The following SLC45A4 variants were observed in gnomAD, a reference collection of about 807,000 sequenced individuals.
SLC45A4 encodes the protein solute carrier family 45 member 4.
SLC45A4 carries 32 observed loss-of-function variants against 63.7 expected under a neutral mutation model. That is an observed-to-expected ratio of 0.50 (90% CI 0.38 to 0.67). SLC45A4 has a LOEUF of 0.67. Ranked by LOEUF, SLC45A4 falls within the 30% of genes least tolerant of loss-of-function variation. SLC45A4 has a pLI of 0.00. For synonymous variants in SLC45A4, 535 were observed against 510.0 expected, an observed-to-expected ratio of 1.05 and a Z score of -0.66; for missense variants, 1,027 against 1,157.7, an observed-to-expected ratio of 0.89 and a Z score of 1.64.
chr8:141,278,773 G>T lies in SLC45A4; in HGVS notation c.-400-24144C>A, dbSNP rs548735392. ...GTCTCAACAAGGCACAGACGCACCC[G>T]CAAGGGAGTGGGCAGCACTGCAGGA... On this transcript the variant is annotated intron_variant, in intron 1 of 8. Transcript: ENST00000517878. The surrounding 1 kb of genome is among the most constrained non-coding windows in gnomAD (Gnocchi z 4.1). 6.6e-6 allele frequency among the ~76,000 whole-genome samples: 1 copy of T among 152,254 alleles called. No individual in the cohort carries two copies. The highest frequency in any genetic ancestry group is 1.5e-5 in the Non-Finnish European group (1 of 68,040).
chr8:141,286,675 A>G (rs1365110678), intron 1 of SLC45A4, among the ~76,000 whole-genome samples: 1 of 151,628 alleles, frequency 6.6e-6, no homozygotes, highest in Non-Finnish European at 1.5e-5. Context: ...GAGCCCCAGG[A>G]ATGGGTAAGG....
intron 1 of SLC45A4, among the ~76,000 whole-genome samples, chr8:141,285,718 C>T (rs1387295272): frequency 1.3e-5 from 2 of 152,224 alleles, no homozygotes; most frequent in East Asian, 1.9e-4. Flanking sequence ...GCACAACCCA[C>T]GGCGGAAAGC....
At chr8:141,243,659 A>T (rs1377226622) in intron 2 of SLC45A4, among the ~76,000 whole-genome samples, 1 of 152,068 alleles carries the variant, frequency 6.6e-6, no homozygotes, top group Admixed American at 6.5e-5. Flanking sequence ...ATTAAAATAC[A>T]GTTGACCCTT....
intron 5 of SLC45A4, 31 bp downstream of exon 5, chr8:141,217,980 A>G (rs765901232): frequency 8.1e-6 from 2 of 245,518 alleles, no homozygotes; most frequent in African/African-American, 2.6e-4. Flanking sequence ...GGGCAGAGAG[A>G]GCGGCCCCGC....
chr8:141,285,581 A>C (rs1050133225), intron 1 of SLC45A4, among the ~76,000 whole-genome samples: 1 of 152,064 alleles, frequency 6.6e-6, no homozygotes, highest in Non-Finnish European at 1.5e-5. Flanking sequence ...TGAGGTCTGC[A>C]CTCCACCCAC....
chr8:141,298,908 G>C (rs958302337), intron 1 of SLC45A4, among the ~76,000 whole-genome samples: 6 of 152,232 alleles, frequency 3.9e-5, no homozygotes, highest in African/African-American at 1.4e-4. Context: ...TTCAGTGGGG[G>C]GTGGGGGGAG....
chr8:141,211,880 A>T, intron 8 of SLC45A4, 183 bp from the exon 9 acceptor site: 1 of 1,261,284 alleles, frequency 7.9e-7, no homozygotes, highest in South Asian at 3.1e-5. Context: ...TCATTTAAAA[A>T]CATGCAGAAT....
Position 141,221,695 on chromosome 8 carries a change from G to A in SLC45A4, c.312C>T (p.Leu104=), listed in dbSNP as rs1826646529. 6.2e-7 allele frequency: 1 copy of A among 1,614,156 alleles called. No homozygotes were observed. The highest frequency in any genetic ancestry group is 8.5e-7 in the Non-Finnish European group (1 of 1,180,042). ...SPILGLIFTP[L]IGSASDRCTL... Reference sequence around the variant, plus strand: ...TGCACCGGTCACTCGCAGACCCAATGAGAGGTGTGAAGATGAGGCCAAGGA... The same window carrying A: ...TGCACCGGTCACTCGCAGACCCAATAAGAGGTGTGAAGATGAGGCCAAGGA... The change falls in exon 3 of 9, where the codon CTC becomes CTT. Residue 104 remains leucine (L), a synonymous_variant. Transcript: ENST00000517878.
In SLC45A4 at chr8:141,219,743, C is replaced by A; in HGVS notation, c.517G>T (p.Asp173Tyr). 6.2e-7 allele frequency: 1 copy of A among 1,604,660 alleles called. No homozygotes were observed. The change falls in exon 4 of 9, where the codon GAT (aspartate) becomes TAT (tyrosine). Residue 173 changes from aspartate (D) to tyrosine (Y), a missense_variant. Asp to Tyr is a radical substitution (Grantham distance 160). Transcript: ENST00000517878. Reference sequence around the variant, plus strand: ...GCACGGATGGGCCCCTCGGTGGCATCGGCGCTGAAGTCCAGGACCACCACT... The same window carrying A: ...GCACGGATGGGCCCCTCGGTGGCATAGGCGCTGAAGTCCAGGACCACCACT... ...LGVVVLDFSA[D>Y]ATEGPIRAYL... is the part of the protein sequence containing the mutation.
At position 141,218,716 on chromosome 8, in the gene SLC45A4, G is replaced by A. The variant is rs1462649543; in HGVS notation, c.924C>T (p.Asp308=). ...CGGTGTCCGGCACGTGCAATGCCGA[G>A]TCGCTTTTGCTGCGCATGATGTCCA... The part of the protein sequence containing the change: ...PDVDIMRSKS[D]SALHVPDTAL... Residue 308 remains aspartate, a synonymous_variant, in exon 5 of 9, where the codon GAC becomes GAT. Transcript: ENST00000517878. 16 of 1,612,612 alleles carry A rather than the reference G, an allele frequency of 9.9e-6. No individual in the cohort carries two copies. Among genetic ancestry groups the A allele is most frequent in the Non-Finnish European group, 1.4e-5 (16 of 1,179,358 alleles).
At chr8:141,230,671 GC>G (rs1310918256) in intron 2 of SLC45A4, among the ~76,000 whole-genome samples, 1 of 152,004 alleles carries the variant, frequency 6.6e-6, no homozygotes, top group Non-Finnish European at 1.5e-5. Flanking sequence ...GGACAGTCCG[GC>G]CGCTGCCCCG....
rs1237337158 is a variant in SLC45A4 at position 141,278,446 on chromosome 8, C to T, written c.-400-23817G>A. ...CCGACCCACGAGGACACTGGCGGGA[C>T]AGGGGTGAGCACAACCCACGAGGAC... On this transcript the variant is annotated intron_variant, in intron 1 of 8. Transcript: ENST00000517878. The surrounding 1 kb of genome is among the most constrained non-coding windows in gnomAD (Gnocchi z 4.1). 1 of 150,178 alleles carries T rather than the reference C, an allele frequency of 6.7e-6. No homozygotes were observed. The highest frequency in any genetic ancestry group is 2.5e-5 in the African/African-American group (1 of 39,326). 9.3% of individuals were successfully genotyped at this position (150,178 alleles called of 1,614,324 possible). A position where few individuals can be genotyped will look rare whatever the true frequency, so the allele number is the denominator to read the frequency against.
rs1231031060 is a variant in SLC45A4, at chr8:141,256,657, T to C, written c.-400-2028A>G. 1 of 456,060 alleles carries C rather than the reference T, an allele frequency of 2.2e-6. No homozygotes were observed. Among genetic ancestry groups the C allele is most frequent in the Non-Finnish European group, 4.4e-6 (1 of 226,874 alleles). 28.3% of individuals were successfully genotyped at this position (456,060 alleles called of 1,614,324 possible). On this transcript the variant is annotated intron_variant, in intron 1 of 8. Coordinates refer to ENST00000517878, the MANE Select transcript of SLC45A4 (RefSeq NM_001286646.2). The surrounding 1 kb of genome is among the most constrained non-coding windows in gnomAD (Gnocchi z 4.3). ...GGAAACCAGAATGCCTACTAATTCC[T>C]TAAGAACCAAAGGTTCAAGTGGTGC...
chr8:141,284,046 G>A (rs1423364405), intron 1 of SLC45A4, among the ~76,000 whole-genome samples: 2 of 152,160 alleles, frequency 1.3e-5, no homozygotes, highest in Admixed American at 6.5e-5. Flanking sequence ...TAGGACTGCT[G>A]ATATATTTTC....
At chr8:141,214,269 C>A (rs1338348366) in intron 7 of SLC45A4, among the ~76,000 whole-genome samples, 3 of 151,524 alleles carry the variant, frequency 2.0e-5, no homozygotes, top group African/African-American at 7.3e-5. Context: ...AGAGCAAACA[C>A]CACTTCTACA....
chr8:141,240,851 T>C (rs10103294), intron 2 of SLC45A4, among the ~76,000 whole-genome samples: 22,710 of 152,280 alleles, frequency 0.15, 2,273 homozygotes, highest in East Asian at 0.39. Flanking sequence ...GAGACGCATG[T>C]GGATGTGCAG....
At chr8:141,301,044 C>T (rs772598508) in intron 1 of SLC45A4, among the ~76,000 whole-genome samples, 8 of 152,122 alleles carry the variant, frequency 5.3e-5, no homozygotes, top group Non-Finnish European at 1.0e-4. Flanking sequence ...TCCCCACAAA[C>T]GCCTGCCTAA....
At chr8:141,296,435 G>A (rs1830553073) in intron 1 of SLC45A4, among the ~76,000 whole-genome samples, 1 of 147,458 alleles carries the variant, frequency 6.8e-6, no homozygotes, top group African/African-American at 2.5e-5. Flanking sequence ...AGGAATTCAA[G>A]CTGTAGTGAG....
intron 2 of SLC45A4, among the ~76,000 whole-genome samples, chr8:141,243,328 G>A (rs191253169): frequency 9.8e-4 from 150 of 152,338 alleles, no homozygotes; most frequent in African/African-American, 3.3e-3. Context: ...CAGCAAGCAC[G>A]AAGCGCAGTG....
Sources: gnomAD v4.1 joint callset for allele counts (sites outside exome capture counted in the v4.1 genomes callset) on GRCh38, gnomAD v4.1.1 for gene constraint, Gnocchi (gnomAD v3.1) non-coding constraint, MANE v1.5 for transcripts, NCBI Gene and HGNC (gene_info 2026-07-23, HGNC 2026-07-21) for gene names.